The following HDAC7 variants were observed in gnomAD, a reference collection of about 807,000 sequenced individuals.
The protein encoded by HDAC7 is histone deacetylase 7, also known as histone deacetylase 7A.
In HDAC7, 26 loss-of-function variants were observed where a neutral mutation model predicts 115.5. The ratio of observed to expected loss-of-function variants is 0.23; its 90% CI spans 0.16 to 0.31. HDAC7 has a LOEUF of 0.31. Among genes scored for constraint, HDAC7 ranks in the 10% least tolerant of loss-of-function variants. HDAC7 has a pLI of 1.00. For synonymous variants in HDAC7, 564 were observed against 550.9 expected, an observed-to-expected ratio of 1.02 and a Z score of -0.33; for missense variants, 1,068 against 1,329.0, an observed-to-expected ratio of 0.80 and a Z score of 3.05.
At chr12:47,784,793 G>C in intron 24 of HDAC7, 2 of 1,535,264 alleles carry the variant, frequency 1.3e-6, no homozygotes, top group Admixed American at 2.0e-5. Context: ...CTCAGTGTGA[G>C]GGCACCCACC....
rs1373656002 is a variant in HDAC7, at chr12:47,791,596, C to A, written c.1923G>T (p.Gly641=). 1 of 1,608,596 alleles carries A rather than the reference C, an allele frequency of 6.2e-7. No homozygotes were observed. Residue 641 remains glycine, a synonymous_variant, in exon 15 of 26, where the codon GGG becomes GGT. Coordinates refer to ENST00000080059, the MANE Select transcript of HDAC7 (RefSeq NM_015401.5). ...NPLSRLKLDN[G]KLAGLLAQRM... is the part of the protein sequence containing the mutation. ...CCACTAGGCCATTACCTGCCAGCTT[C>A]CCGTTGTCCAGTTTGAGGCGGCTGA...
intron 16 of HDAC7, 188 bp downstream of exon 16, chr12:47,791,071 T>C: frequency 3.2e-6 from 2 of 630,906 alleles, no homozygotes; most frequent in South Asian, 3.7e-5. Context: ...GGGGAGACTG[T>C]GGGTCCGAGA....
intron 1 of HDAC7, among the ~76,000 whole-genome samples, chr12:47,806,082 C>A (rs1944390629): frequency 6.6e-6 from 1 of 152,256 alleles, no homozygotes; most frequent in Non-Finnish European, 1.5e-5. Context: ...CCCTTTCTAA[C>A]AGCTTCTTGT....
intron 15 of HDAC7, 103 bp from the exon 16 acceptor site, chr12:47,791,411 G>T: frequency 7.2e-7 from 1 of 1,383,852 alleles, no homozygotes; most frequent in Non-Finnish European, 9.8e-7. Context: ...TATTGGGGGA[G>T]AGAAATATGG....
At chr12:47,804,770 G>A (rs1395791924) in intron 1 of HDAC7, among the ~76,000 whole-genome samples, 21 of 152,112 alleles carry the variant, frequency 1.4e-4, no homozygotes, top group Admixed American at 1.4e-3. Context: ...TGGAGCCCCT[G>A]TTCCAATAGG....
chr12:47,812,357 G>A (rs781342912), intron 1 of HDAC7, among the ~76,000 whole-genome samples: 5 of 152,164 alleles, frequency 3.3e-5, no homozygotes, highest in South Asian at 2.1e-4. Flanking sequence ...TCTGTTCTTC[G>A]TGTCTGCAAC....
At position 47,785,755 on chromosome 12, in the gene HDAC7, G is replaced by A. The variant is rs1225475923; in HGVS notation, c.2703C>T (p.Asn901=). The part of the protein sequence containing the change: ...SEACVAALLG[N]RVDPLSEEGW... The stretch of plus-strand genomic sequence containing the variant: ...ATGGGGGAGGGAGACGGCTCACCCT[G>A]TTACCCAGAAGAGCAGCCACACAGG... Residue 901 remains asparagine, a synonymous_variant, in exon 23 of 26, where the codon AAC becomes AAT. Transcript: ENST00000080059. 1 of 1,605,550 alleles carries A rather than the reference G, an allele frequency of 6.2e-7. No individual in the cohort carries two copies. Among genetic ancestry groups the A allele is most frequent in the African/African-American group, 1.3e-5 (1 of 74,824 alleles).
intron 1 of HDAC7, among the ~76,000 whole-genome samples, chr12:47,804,559 AG>A (rs1944312025): frequency 6.6e-6 from 1 of 151,446 alleles, no homozygotes; most frequent in African/African-American, 2.4e-5. Context: ...AATGGACCCA[AG>A]GTACCAGGAA....
intron 16 of HDAC7, chr12:47,790,374 G>A (rs1943419720): frequency 5.6e-6 from 1 of 179,252 alleles, no homozygotes; most frequent in African/African-American, 2.3e-5. Flanking sequence ...TGGGCCTCAA[G>A]GCTAGGGAGG....
chr12:47,786,676 C>G lies in HDAC7; in HGVS notation c.2481G>C (p.Glu827Asp). 1 of 1,614,064 alleles carries G rather than the reference C, an allele frequency of 6.2e-7. No individual in the cohort carries two copies. The highest frequency in any genetic ancestry group is 8.5e-7 in the Non-Finnish European group (1 of 1,179,960). ...ACACCAGGACTAGGTCTGGAGAGAA[C>G]TCTCGGGCGATGGGCATCACGACTA... ...FRIVVMPIAREFSPDLVLVSA... is the reference protein window; with the variant it reads ...FRIVVMPIARDFSPDLVLVSA... Residue 827 changes from glutamate to aspartate, a missense_variant, in exon 22 of 26, where the codon GAG becomes GAC. Glu to Asp is a conservative substitution (Grantham distance 45, BLOSUM62 2). Coordinates refer to ENST00000080059, the MANE Select transcript of HDAC7 (RefSeq NM_015401.5).
At chr12:47,802,740 G>C (rs547916537) in intron 1 of HDAC7, among the ~76,000 whole-genome samples, 8 of 152,216 alleles carry the variant, frequency 5.3e-5, no homozygotes, top group African/African-American at 1.9e-4. Flanking sequence ...AGCAGGCCTG[G>C]AGAGAGGGAC....
rs79823754 is a variant in HDAC7 at position 47,788,066 on chromosome 12, C to G, written c.2334G>C (p.Pro778=). ...LHRHDDGNFF[P]GSGAVDEVGA... The stretch of plus-strand genomic sequence containing the variant: ...TTACCTCATCCACAGCCCCACTCCC[C>G]GGGAAGAAGTTGCCGTCGTCATGGC... Residue 778 remains proline, a synonymous_variant, in exon 20 of 26, where the codon CCG becomes CCC. Transcript: ENST00000080059. The G allele has an allele frequency of 6.2e-6, 10 of 1,612,496 alleles. No homozygotes were observed. Among genetic ancestry groups the G allele is most frequent in the Admixed American group, 5.0e-5 (3 of 59,816 alleles).
intron 1 of HDAC7, 30 bp downstream of exon 1, chr12:47,819,737 C>G (rs1357534935): frequency 1.3e-6 from 1 of 758,044 alleles, no homozygotes; most frequent in Non-Finnish European, 1.6e-6. Flanking sequence ...GCGCGCAGGG[C>G]GGGGCGGGGG....
At position 47,785,457 on chromosome 12, in the gene HDAC7, T is replaced by C. The variant is rs528678424; in HGVS notation, c.2721A>G (p.Ser907=). The change falls in exon 24 of 26, where the codon TCA becomes TCG. Residue 907 remains serine, a synonymous_variant. Transcript: ENST00000080059. Reference sequence around the variant, plus strand: ...TGGGTTTCTGTTTCCAGCCTTCTTCTGAAAGGGGATCCACCTATAGAAAAC... The same window carrying C: ...TGGGTTTCTGTTTCCAGCCTTCTTCCGAAAGGGGATCCACCTATAGAAAAC... ...ALLGNRVDPL[S]EEGWKQKPNL... is the part of the protein sequence containing the mutation. 8 of 1,612,776 alleles carry C rather than the reference T, an allele frequency of 5.0e-6. No homozygotes were observed. Among genetic ancestry groups the C allele is most frequent in the Non-Finnish European group, 6.8e-6 (8 of 1,179,400 alleles).
chr12:47,795,436 A>C lies in HDAC7; in HGVS notation c.1088-56T>G. On this transcript the variant is annotated intron_variant, in intron 10 of 25. Coordinates refer to ENST00000080059, the MANE Select transcript of HDAC7 (RefSeq NM_015401.5). This position sits in a 1 kb window ranked among gnomAD's most constrained non-coding sequence, Gnocchi z 4.3. ...GGAACCACAGGGAGCAATGGAAGGA[A>C]GCGAGGGTATAGGGTGGGGGGCCAG... 1.5e-6 allele frequency: 2 copies of C among 1,352,562 alleles called. No individual in the cohort carries two copies. The highest frequency in any genetic ancestry group is 2.0e-6 in the Non-Finnish European group (2 of 985,954). 83.8% of individuals were successfully genotyped at this position (1,352,562 alleles called of 1,614,324 possible).
chr12:47,785,582 G>T, intron 23 of HDAC7, 111 bp from the exon 24 acceptor site: 1 of 1,371,654 alleles, frequency 7.3e-7, no homozygotes, highest in South Asian at 1.4e-5. Flanking sequence ...ACCTAGGCCA[G>T]GAGATGCTGC....
Position 47,797,707 on chromosome 12 carries a change from T to G in HDAC7, c.462-208A>C, listed in dbSNP as rs1325694721. ...ATAGTGCAGAGCTCTGACCTAGGCA[T>G]AGAAGCCAGGTGCTTGGTGCGTGGG... is the stretch of plus-strand genomic sequence containing the variant. On this transcript the variant is annotated intron_variant, in intron 5 of 25. Coordinates refer to ENST00000080059, the MANE Select transcript of HDAC7 (RefSeq NM_015401.5). This position sits in a 1 kb window ranked among gnomAD's most constrained non-coding sequence, Gnocchi z 5.5. 6.6e-6 allele frequency among the ~76,000 whole-genome samples: 1 copy of G among 152,154 alleles called. No individual in the cohort carries two copies. Among genetic ancestry groups the G allele is most frequent in the Non-Finnish European group, 1.5e-5 (1 of 68,026 alleles).
At position 47,807,882 on chromosome 12, in the gene HDAC7, G is replaced by C. The variant is rs976708704; in HGVS notation, c.20-5608C>G. On this transcript the variant is annotated intron_variant, in intron 1 of 25. Coordinates refer to ENST00000080059, the MANE Select transcript of HDAC7 (RefSeq NM_015401.5). ...CTCAGCTCCAACTCCCCTGCTCTCA[G>C]TGCCCTGCCATATCCCTTCTCTAGA... Among the ~76,000 whole-genome samples the C allele has an allele frequency of 4.6e-5, 7 of 152,334 alleles. No homozygotes were observed. In the South Asian group the frequency reaches 1.4e-3, roughly 32 times the overall value.
chr12:47,803,002 A>T lies in HDAC7; in HGVS notation c.20-728T>A, dbSNP rs971544461. ...GACCTACTCAGCCTCTTTCCCAGAT[A>T]ATCTGAGATAGAAATCTTTTCTTTT... On this transcript the variant is annotated intron_variant, in intron 1 of 25. Coordinates refer to ENST00000080059, the MANE Select transcript of HDAC7 (RefSeq NM_015401.5). The surrounding 1 kb of genome is among the most constrained non-coding windows in gnomAD (Gnocchi z 4.0). Among the ~76,000 whole-genome samples the T allele has an allele frequency of 6.6e-6, 1 of 152,176 alleles. No individual in the cohort carries two copies. Among genetic ancestry groups the T allele is most frequent in the African/African-American group, 2.4e-5 (1 of 41,442 alleles).
Sources: gnomAD v4.1 joint callset for allele counts (sites outside exome capture counted in the v4.1 genomes callset) on GRCh38, gnomAD v4.1.1 for gene constraint, Gnocchi (gnomAD v3.1) non-coding constraint, MANE v1.5 for transcripts, NCBI Gene and HGNC (gene_info 2026-07-23, HGNC 2026-07-21) for gene names.